Variants in SRGAP1 observed in about 807,000 individuals in gnomAD.
The protein encoded by SRGAP1 is SLIT-ROBO Rho GTPase activating protein 1, also known as SLIT-ROBO Rho GTPase-activating protein 1.
A neutral mutation model predicts 121.9 loss-of-function variants in SRGAP1; 43 were observed. The observed-to-expected ratio is 0.35, with a 90% CI of 0.28 to 0.46. The LOEUF is 0.46. SRGAP1 is among the 20% of genes least tolerant of loss of function. The pLI is 1.00. For synonymous variants in SRGAP1, 447 were observed against 485.4 expected (o/e 0.92, Z 1.04); for missense variants, 1,102 against 1,350.9 (o/e 0.82, Z 2.89).
chr12:64,080,734 C>T (rs1317131040), intron 10 of SRGAP1: 2 of 315,024 alleles, frequency 6.3e-6, no homozygotes, highest in South Asian at 3.3e-5. Context: ...ACTTCTGCAC[C>T]CTTCCAACCC....
chr12:63,991,217 A>C (rs1390295171), intron 3 of SRGAP1, among the ~76,000 whole-genome samples: 4 of 152,146 alleles, frequency 2.6e-5, no homozygotes, highest in Non-Finnish European at 4.4e-5. Flanking sequence ...CTATACCTGT[A>C]CCTCTATTCA....
At chr12:63,998,968 T>C (rs2033796555) in intron 3 of SRGAP1, among the ~76,000 whole-genome samples, 2 of 152,140 alleles carry the variant, frequency 1.3e-5, no homozygotes, top group African/African-American at 4.8e-5. Context: ...TTGGATCTTA[T>C]AGTGGGAAAG....
chr12:63,982,166 G>A (rs1323077953), intron 1 of SRGAP1, among the ~76,000 whole-genome samples: 1 of 151,642 alleles, frequency 6.6e-6, no homozygotes, highest in Non-Finnish European at 1.5e-5. Context: ...AGCCGAGATC[G>A]CGCCACTGCA....
intron 1 of SRGAP1, among the ~76,000 whole-genome samples, chr12:63,878,140 C>T (rs1032791905): frequency 1.3e-5 from 2 of 152,158 alleles, no homozygotes; most frequent in Admixed American, 1.3e-4. Context: ...ATCCTAATGC[C>T]TGAAATGCGA....
chr12:63,907,672 G>A (rs1452386618), intron 1 of SRGAP1, among the ~76,000 whole-genome samples: 2 of 152,124 alleles, frequency 1.3e-5, no homozygotes, highest in East Asian at 1.9e-4. Flanking sequence ...GTCATCCCGT[G>A]TGTTGTCTTT....
intron 1 of SRGAP1, among the ~76,000 whole-genome samples, chr12:63,859,639 TAC>T (rs1157020418): frequency 7.2e-5 from 11 of 152,204 alleles, no homozygotes; most frequent in African/African-American, 1.9e-4. Flanking sequence ...CTTAAGATAA[TAC>T]AGTTATTTTC....
chr12:64,098,631 C>T (rs562305154), intron 15 of SRGAP1, among the ~76,000 whole-genome samples: 42 of 151,560 alleles, frequency 2.8e-4, no homozygotes, highest in African/African-American at 9.7e-4. Flanking sequence ...GATCGTGCCA[C>T]TGCACTCCAG....
At chr12:64,059,453 C>T (rs2035405563) in intron 6 of SRGAP1, among the ~76,000 whole-genome samples, 1 of 151,888 alleles carries the variant, frequency 6.6e-6, no homozygotes, top group South Asian at 2.1e-4. Flanking sequence ...GGCTTTTCTC[C>T]TGATTTCATT....
intron 15 of SRGAP1, among the ~76,000 whole-genome samples, chr12:64,099,665 G>A (rs1273003771): frequency 1.4e-4 from 22 of 152,120 alleles, no homozygotes; most frequent in Admixed American, 1.4e-3. Context: ...TGAAAAGGAG[G>A]TGTTTCACTT....
At chr12:64,118,331 A>G (rs144315500) in intron 18 of SRGAP1, among the ~76,000 whole-genome samples, 168 of 152,174 alleles carry the variant, frequency 1.1e-3, no homozygotes, top group African/African-American at 3.7e-3. Flanking sequence ...GTGCAGTGGC[A>G]TGATCTTGGC....
intron 1 of SRGAP1, among the ~76,000 whole-genome samples, chr12:63,915,957 A>T (rs1277651533): frequency 1.3e-5 from 2 of 151,978 alleles, no homozygotes; most frequent in Admixed American, 6.6e-5. Flanking sequence ...TTATTGTTTT[A>T]CTGAAAAAGA....
chr12:64,028,728 C>T (rs916811115), intron 4 of SRGAP1, among the ~76,000 whole-genome samples: 2 of 152,214 alleles, frequency 1.3e-5, no homozygotes, highest in Non-Finnish European at 2.9e-5. Context: ...TGGTTGCATT[C>T]GTGAGTGCTC....
chr12:63,934,125 C>G (rs1421553041), intron 1 of SRGAP1, among the ~76,000 whole-genome samples: 4 of 151,612 alleles, frequency 2.6e-5, no homozygotes, highest in Non-Finnish European at 5.9e-5. Context: ...AAACCTTAAC[C>G]TGAAAAAAAC....
At chr12:64,076,739 T>A (rs1257829058) in intron 8 of SRGAP1, among the ~76,000 whole-genome samples, 1 of 152,038 alleles carries the variant, frequency 6.6e-6, no homozygotes, top group African/African-American at 2.4e-5. Flanking sequence ...CTCTGCCTCC[T>A]GGGTTCAGGC....
At position 64,143,559 on chromosome 12, in the gene SRGAP1, T is replaced by G. The variant is rs1401430015; in HGVS notation, c.*887T>G. The G allele has an allele frequency of 6.6e-6, 1 of 152,278 alleles. No homozygotes were observed. Among genetic ancestry groups the G allele is most frequent in the Non-Finnish European group, 1.5e-5 (1 of 68,104 alleles). 9.4% of individuals were successfully genotyped at this position (152,278 alleles called of 1,614,324 possible). ...CCATCTCCTCTAAATCCCTGTGTTC[T>G]CCTCTGTGGAAATGAAGGCAGCAAG... On this transcript the variant is annotated 3_prime_UTR_variant, in exon 22 of 22. Coordinates refer to ENST00000355086, the MANE Select transcript of SRGAP1 (RefSeq NM_020762.4).
chr12:63,913,804 T>C (rs1422226448), intron 1 of SRGAP1, among the ~76,000 whole-genome samples: 1 of 152,020 alleles, frequency 6.6e-6, no homozygotes, highest in African/African-American at 2.4e-5. Flanking sequence ...AACAAAGTAA[T>C]TTTATGACTC....
At chr12:63,945,280 A>T (rs1308606201) in intron 1 of SRGAP1, among the ~76,000 whole-genome samples, 4 of 147,570 alleles carry the variant, frequency 2.7e-5, no homozygotes, top group South Asian at 2.2e-4. Flanking sequence ...TTTTTTTTTT[A>T]AATACTTTAA....
At chr12:63,919,152 G>C (rs2030926048) in intron 1 of SRGAP1, among the ~76,000 whole-genome samples, 1 of 152,004 alleles carries the variant, frequency 6.6e-6, no homozygotes, top group Non-Finnish European at 1.5e-5. Context: ...TCACGGATTG[G>C]AGTGATTCTC....
intron 15 of SRGAP1, among the ~76,000 whole-genome samples, chr12:64,105,162 T>C (rs1161895254): frequency 6.6e-6 from 1 of 152,164 alleles, no homozygotes; most frequent in Admixed American, 6.5e-5. Context: ...AATCATATAA[T>C]ACTTGTTCTT....
Sources: gnomAD v4.1 joint callset for allele counts (sites outside exome capture counted in the v4.1 genomes callset) on GRCh38, gnomAD v4.1.1 for gene constraint, MANE v1.5 for transcripts, NCBI Gene and HGNC (gene_info 2026-07-23, HGNC 2026-07-21) for gene names.